The following UBA2 variants were observed in gnomAD, a reference collection of about 807,000 sequenced individuals.
UBA2 encodes SUMO-activating enzyme subunit 2.
In UBA2, 11 loss-of-function variants were observed where a neutral mutation model predicts 77.2. The observed-to-expected ratio is 0.14, with a 90% CI of 0.09 to 0.24. The LOEUF (loss-of-function observed/expected upper bound fraction) is 0.24. Ranked by LOEUF, UBA2 falls within the 10% of genes least tolerant of loss-of-function variation. The pLI, the probability that UBA2 is intolerant of heterozygous loss-of-function variation, is 1.00. For synonymous variants in UBA2, 278 were observed against 276.7 expected, an observed-to-expected ratio of 1.00 and a Z score of -0.05; for missense variants, 487 against 781.7, an observed-to-expected ratio of 0.62 and a Z score of 4.50.
chr19:34,449,065 CTTTTTTTTTTTT>C lies in UBA2; in HGVS notation c.772-1188_772-1177del, dbSNP rs11332668. Among the ~76,000 whole-genome samples, 6 of 73,842 alleles carry C rather than the reference CTTTTTTTTTTTT, an allele frequency of 8.1e-5. No individual in the cohort carries two copies. In the East Asian group the frequency reaches 1.7e-3, roughly 21 times the overall value. 48.4% of individuals were successfully genotyped at this position (73,842 alleles called of 152,430 possible). A position where few individuals can be genotyped will look rare whatever the true frequency, so the allele number is the denominator to read the frequency against. On this transcript the variant is annotated intron_variant, in intron 8 of 16. Transcript: ENST00000246548. ...CTTATTTCTTAGATAAAATATAAAT[CTTTTTTTTTTTT>C]TTTTTTTTTTTGAGACTGAGTCTCA...
chr19:34,453,517 CTT>C (rs560242991), intron 10 of UBA2, among the ~76,000 whole-genome samples: 72 of 127,200 alleles, frequency 5.7e-4, no homozygotes, highest in Admixed American at 8.2e-4. Flanking sequence ...AATGAAACAG[CTT>C]TTTTTTTTTT....
chr19:34,457,085 T>C (rs1599924951), intron 12 of UBA2, among the ~76,000 whole-genome samples: 1 of 147,560 alleles, frequency 6.8e-6, no homozygotes, highest in Non-Finnish European at 1.5e-5. Flanking sequence ...TCCCAGCTCT[T>C]TGGGAGGCCG....
Position 34,431,950 on chromosome 19 carries a change from A to G in UBA2, c.293+19A>G, listed in dbSNP as rs772248573. 49 of 1,512,216 alleles carry G rather than the reference A, an allele frequency of 3.2e-5. No individual in the cohort carries two copies. The highest frequency in any genetic ancestry group is 6.0e-5 in the Admixed American group (3 of 49,594). 93.7% of individuals were successfully genotyped at this position (1,512,216 alleles called of 1,614,324 possible). A position where few individuals can be genotyped will look rare whatever the true frequency, so the allele number is the denominator to read the frequency against. On this transcript the variant is annotated intron_variant, in intron 3 of 16. Coordinates refer to ENST00000246548, the MANE Select transcript of UBA2 (RefSeq NM_005499.3). ...TCATGAAGTATGCTATAGTGATTACATTGCAAAGTTGTATAAGGGTTTTGT... is the reference window on the plus strand; with the variant it reads ...TCATGAAGTATGCTATAGTGATTACGTTGCAAAGTTGTATAAGGGTTTTGT...
intron 9 of UBA2, 132 bp downstream of exon 9, chr19:34,450,496 C>G: frequency 1.8e-6 from 1 of 555,832 alleles, no homozygotes; most frequent in Non-Finnish European, 3.0e-6. Context: ...ATATGAAGAA[C>G]AAAAGTCACT....
chr19:34,428,818 C>T (rs1032879040), intron 1 of UBA2: 2 of 1,153,138 alleles, frequency 1.7e-6, no homozygotes, highest in African/African-American at 1.6e-5. Context: ...CCCCGCCTCC[C>T]CGGCAGCGCC....
At chr19:34,439,373 T>TCTG (rs1418158051) in intron 6 of UBA2, among the ~76,000 whole-genome samples, 2 of 152,166 alleles carry the variant, frequency 1.3e-5, no homozygotes, top group Non-Finnish European at 2.9e-5. Flanking sequence ...TTAAAAATAC[T>TCTG]CTGTACTGAT....
intron 2 of UBA2, among the ~76,000 whole-genome samples, chr19:34,431,329 T>G (rs1219567890): frequency 6.9e-6 from 1 of 145,556 alleles, no homozygotes; most frequent in Non-Finnish European, 1.5e-5. Flanking sequence ...CATGGCTTAC[T>G]GCAGCCTAGA....
chr19:34,446,612 CTT>C (rs911805667), intron 8 of UBA2, among the ~76,000 whole-genome samples: 1 of 53,770 alleles, frequency 1.9e-5, no homozygotes, highest in African/African-American at 3.7e-5. Context: ...TTTTTTCTTT[CTT>C]TTTTTTTTTT....
chr19:34,449,802 A>G (rs1180335899), intron 8 of UBA2, among the ~76,000 whole-genome samples: 2 of 152,180 alleles, frequency 1.3e-5, no homozygotes, highest in African/African-American at 4.8e-5. Context: ...GTTGTGAAGC[A>G]CTTTAGTTTA....
At chr19:34,444,331 A>G (rs1294444354) in intron 7 of UBA2, among the ~76,000 whole-genome samples, 1 of 152,024 alleles carries the variant, frequency 6.6e-6, no homozygotes, top group Non-Finnish European at 1.5e-5. Flanking sequence ...GTGCTGGGAC[A>G]GGCGTAAGCA....
At position 34,458,879 on chromosome 19, in the gene UBA2, G is replaced by A. The variant is rs757999125; in HGVS notation, c.1356G>A (p.Val452=). 3 of 1,614,128 alleles carry A rather than the reference G, an allele frequency of 1.9e-6. No homozygotes were observed. In the Admixed American group the frequency reaches 5.0e-5, roughly 27 times the overall value. ...YVCASKPEVT[V]RLNVHKVTVL... is the part of the protein sequence containing the mutation. Reference sequence around the variant, plus strand: ...GTGCCAGCAAGCCAGAGGTGACTGTGCGGCTGAATGTCCATAAAGTGACTG... The same window carrying A: ...GTGCCAGCAAGCCAGAGGTGACTGTACGGCTGAATGTCCATAAAGTGACTG... Residue 452 remains valine (V), a synonymous_variant, in exon 13 of 17, where the codon GTG becomes GTA. Coordinates refer to ENST00000246548, the MANE Select transcript of UBA2 (RefSeq NM_005499.3).
intron 1 of UBA2, 149 bp downstream of exon 1, chr19:34,428,719 T>G: frequency 4.2e-5 from 47 of 1,118,984 alleles, no homozygotes; most frequent in Middle Eastern, 3.2e-4. Flanking sequence ...GCTCGGGTTG[T>G]GCCCCCCCCG....
At chr19:34,437,122 T>G (rs1226250381) in intron 5 of UBA2, among the ~76,000 whole-genome samples, 7 of 151,946 alleles carry the variant, frequency 4.6e-5, no homozygotes, top group Admixed American at 4.6e-4. Context: ...ACAATTAGCC[T>G]GGCTAATTTT....
chr19:34,457,448 G>A (rs1244455181), intron 12 of UBA2, among the ~76,000 whole-genome samples: 1 of 151,900 alleles, frequency 6.6e-6, no homozygotes, highest in Non-Finnish European at 1.5e-5. Flanking sequence ...GTTAGCCCAG[G>A]TATTAATAGT....
intron 9 of UBA2, among the ~76,000 whole-genome samples, chr19:34,451,536 G>GT (rs773178552): frequency 0.36 from 22,462 of 62,986 alleles, 9,140 homozygotes; most frequent in Non-Finnish European, 0.52. Flanking sequence ...AGGTTTAACA[G>GT]TTTTTTTTTT....
At position 34,449,219 on chromosome 19, in the gene UBA2, G is replaced by A. The variant is rs7247967; in HGVS notation, c.772-1046G>A. On this transcript the variant is annotated intron_variant, in intron 8 of 16. Coordinates refer to ENST00000246548, the MANE Select transcript of UBA2 (RefSeq NM_005499.3). The stretch of plus-strand genomic sequence containing the variant: ...CGAGTAGCTGGGATTACAGGCACGC[G>A]CCACGACGCCCAGCTGATTTTTGTA... Among the ~76,000 whole-genome samples, 582 of 151,904 alleles carry A rather than the reference G, an allele frequency of 3.8e-3. 3 individuals carry two copies. The highest frequency in any genetic ancestry group is 0.013 in the African/African-American group (553 of 41,408).
At position 34,458,837 on chromosome 19, in the gene UBA2, C is replaced by A; in HGVS notation, c.1314C>A (p.Asn438Lys). 6.2e-7 allele frequency: 1 copy of A among 1,614,176 alleles called. No homozygotes were observed. Among genetic ancestry groups the A allele is most frequent in the Non-Finnish European group, 8.5e-7 (1 of 1,180,034 alleles). The change falls in exon 13 of 17, where the codon AAC becomes AAA. Residue 438 changes from asparagine to lysine, a missense_variant. Coordinates refer to ENST00000246548, the MANE Select transcript of UBA2 (RefSeq NM_005499.3). ...LLVPCALDPP[N>K]PNCYVCASKP... ...TGCCTTGTGCACTGGATCCTCCCAACCCCAATTGTTATGTATGTGCCAGCA... is the reference window on the plus strand; with the variant it reads ...TGCCTTGTGCACTGGATCCTCCCAAACCCAATTGTTATGTATGTGCCAGCA...
chr19:34,445,469 C>T (rs907260572), intron 8 of UBA2, among the ~76,000 whole-genome samples: 4 of 131,060 alleles, frequency 3.1e-5, no homozygotes, highest in African/African-American at 1.1e-4. Context: ...GATGGAGTCT[C>T]ACTCTTGTCG....
rs555416590 is a variant in UBA2, at chr19:34,436,254, A to G, written c.459+1286A>G. On this transcript the variant is annotated intron_variant, in intron 5 of 16. Coordinates refer to ENST00000246548, the MANE Select transcript of UBA2 (RefSeq NM_005499.3). ...AATACAACTAGAGAATAATAGAACA[A>G]AATACCTGTGTGCTCATACCTCAGT... Among the ~76,000 whole-genome samples the G allele has an allele frequency of 1.3e-3, 191 of 152,266 alleles. 2 individuals carry two copies. In the Middle Eastern group the frequency reaches 0.017, roughly 14 times the overall value.
Sources: allele counts gnomAD v4.1 joint callset (sites outside exome capture counted in the v4.1 genomes callset), GRCh38; gene constraint gnomAD v4.1.1; transcripts MANE v1.5; gene names NCBI Gene and HGNC (gene_info 2026-07-23, HGNC 2026-07-21).